Variants in ABTB3 observed in about 807,000 individuals in gnomAD.
The protein encoded by ABTB3 is ankyrin repeat- and BTB/POZ domain-containing protein 3.
the ABTB3 span, among the ~76,000 whole-genome samples, chr12:107,332,902 A>T: frequency 1.4e-3 from 212 of 152,346 alleles, 2 homozygotes; most frequent in East Asian, 0.035. Context: ...CCGACTCACA[A>T]TTCTTTATGT....
At chr12:107,384,680 G>A in the ABTB3 span, among the ~76,000 whole-genome samples, 5 of 152,180 alleles carry the variant, frequency 3.3e-5, no homozygotes, top group Non-Finnish European at 5.9e-5. Flanking sequence ...AGACAAGGGG[G>A]TCAGGTCTTT....
chr12:107,616,108 G>A, the ABTB3 span, among the ~76,000 whole-genome samples: 24 of 152,174 alleles, frequency 1.6e-4, no homozygotes, highest in African/African-American at 2.4e-4. Context: ...TCTGCCTATA[G>A]AACAGTATGC....
At chr12:107,500,553 C>A in the ABTB3 span, among the ~76,000 whole-genome samples, 340 of 152,306 alleles carry the variant, frequency 2.2e-3, 7 homozygotes, top group African/African-American at 7.8e-3. Context: ...TGACCTTGGA[C>A]AAGTCACTAA....
At chr12:107,372,730 C>T in the ABTB3 span, among the ~76,000 whole-genome samples, 2 of 152,194 alleles carry the variant, frequency 1.3e-5, no homozygotes, top group African/African-American at 4.8e-5. Flanking sequence ...CTCAAATGTC[C>T]CGTATGTCCC....
chr12:107,442,184 C>T, the ABTB3 span, among the ~76,000 whole-genome samples: 1 of 152,196 alleles, frequency 6.6e-6, no homozygotes. Context: ...GCATGGCTGG[C>T]ACTCAGTAAA....
the ABTB3 span, among the ~76,000 whole-genome samples, chr12:107,484,256 A>G: frequency 4.9e-4 from 74 of 152,230 alleles, no homozygotes; most frequent in Admixed American, 1.5e-3. Context: ...CAGGGGCCAA[A>G]GCTGCAGCTT....
chr12:107,550,146 C>A, the ABTB3 span, among the ~76,000 whole-genome samples: 1 of 152,266 alleles, frequency 6.6e-6, no homozygotes, highest in Non-Finnish European at 1.5e-5. Context: ...GGCATTGAAG[C>A]CAGAGGGCCA....
chr12:107,610,429 C>T, the ABTB3 span: 44 of 1,560,166 alleles, frequency 2.8e-5, no homozygotes, highest in Middle Eastern at 3.6e-4. Flanking sequence ...CAGAGACAGC[C>T]GGTGAATCCC....
At chr12:107,437,329 T>C in the ABTB3 span, among the ~76,000 whole-genome samples, 1 of 152,144 alleles carries the variant, frequency 6.6e-6, no homozygotes. Context: ...ATTGCTCCAG[T>C]TTCTGCCTCC....
the ABTB3 span, among the ~76,000 whole-genome samples, chr12:107,421,974 G>A: frequency 1.2e-4 from 18 of 152,150 alleles, no homozygotes; most frequent in African/African-American, 4.1e-4. Flanking sequence ...TTGGCCTGAG[G>A]GAACTTATAC....
At chr12:107,424,900 C>T in the ABTB3 span, among the ~76,000 whole-genome samples, 12 of 152,296 alleles carry the variant, frequency 7.9e-5, no homozygotes, top group Admixed American at 2.6e-4. Context: ...GCCTGATTAA[C>T]GTATTTATGG....
the ABTB3 span, among the ~76,000 whole-genome samples, chr12:107,324,933 T>G: frequency 1.3e-5 from 2 of 152,196 alleles, no homozygotes; most frequent in African/African-American, 4.8e-5. Context: ...TTTTCTCATC[T>G]GTACAGTGAG....
At chr12:107,548,629 TC>T in the ABTB3 span, among the ~76,000 whole-genome samples, 4 of 152,236 alleles carry the variant, frequency 2.6e-5, no homozygotes, top group Non-Finnish European at 5.9e-5. Flanking sequence ...CTAAAATCAT[TC>T]AGTTACCTCA....
At chr12:107,605,874 A>G in the ABTB3 span, among the ~76,000 whole-genome samples, 1 of 152,328 alleles carries the variant, frequency 6.6e-6, no homozygotes, top group East Asian at 1.9e-4. Context: ...CCAACAGCTA[A>G]TGGAATGGAT....
the ABTB3 span, among the ~76,000 whole-genome samples, chr12:107,462,077 C>T: frequency 6.6e-6 from 1 of 152,146 alleles, no homozygotes; most frequent in Non-Finnish European, 1.5e-5. Context: ...AACTTTGAGA[C>T]TTCAATCAGC....
chr12:107,453,677 A>G, the ABTB3 span, among the ~76,000 whole-genome samples: 1 of 152,212 alleles, frequency 6.6e-6, no homozygotes, highest in South Asian at 2.1e-4. Context: ...ATGTGATCAC[A>G]TTTACATTTT....
the ABTB3 span, among the ~76,000 whole-genome samples, chr12:107,369,071 T>C: frequency 6.6e-6 from 1 of 152,246 alleles, no homozygotes; most frequent in African/African-American, 2.4e-5. Context: ...TGTCTTTTGT[T>C]GAACAGAAGC....
chr12:107,382,384 G>A, the ABTB3 span, among the ~76,000 whole-genome samples: 2 of 152,182 alleles, frequency 1.3e-5, no homozygotes, highest in Admixed American at 1.3e-4. Flanking sequence ...CGTGTGGTGG[G>A]ATTTGGCTCC....
chr12:107,470,546 G>T, the ABTB3 span, among the ~76,000 whole-genome samples: 1 of 152,312 alleles, frequency 6.6e-6, no homozygotes, highest in South Asian at 2.1e-4. Context: ...CAGGGTCACG[G>T]TGTGGGCAGT....
Sources: gnomAD v4.1 joint callset for allele counts (sites outside exome capture counted in the v4.1 genomes callset) on GRCh38, gnomAD v4.1.1 for gene constraint, MANE v1.5 for transcripts, NCBI Gene and HGNC (gene_info 2026-07-23, HGNC 2026-07-21) for gene names.